RNF135: variants seen among roughly 807,000 people sequenced by gnomAD.
RNF135 encodes the protein E3 ubiquitin-protein ligase RNF135.
A neutral mutation model predicts 41.9 loss-of-function variants in RNF135; 46 were observed. The observed-to-expected ratio is 1.10, with a 90% CI of 0.87 to 1.40. The LOEUF (loss-of-function observed/expected upper bound fraction) is 1.40, where lower values mean the gene tolerates loss of function less well. Ranked by LOEUF, RNF135 falls within the 40% of genes most tolerant of loss-of-function variation. The pLI, the probability that RNF135 is intolerant of heterozygous loss-of-function variation, is 0.00. For missense variants in RNF135, 539 were observed against 549.8 expected (o/e 0.98, Z 0.20); for synonymous variants, 238 against 223.8 (o/e 1.06, Z -0.57).
At chr17:30,985,796 C>A (rs919670147) in intron 2 of RNF135, among the ~76,000 whole-genome samples, 1 of 152,164 alleles carries the variant, frequency 6.6e-6, no homozygotes, top group Middle Eastern at 3.2e-3. Context: ...ACAGGACCAG[C>A]AAAGCCCTGT....
the RNF135 span, among the ~76,000 whole-genome samples, chr17:30,963,167 GAT>G: frequency 2.2e-5 from 3 of 137,294 alleles, no homozygotes; most frequent in African/African-American, 8.5e-5. Flanking sequence ...GCTATTCACA[GAT>G]ATGACCATGG....
At chr17:30,964,217 G>A in the RNF135 span, among the ~76,000 whole-genome samples, 4 of 151,466 alleles carry the variant, frequency 2.6e-5, no homozygotes, top group African/African-American at 4.9e-5. Flanking sequence ...GTGAAACCCC[G>A]TCTCTACTTA....
upstream of RNF135, chr17:30,970,827 G>T: frequency 1.8e-6 from 1 of 567,676 alleles, no homozygotes. Flanking sequence ...AGCAGCTCGC[G>T]GCATGTTGGT....
chr17:30,959,759 A>T, the RNF135 span: 3 of 152,176 alleles, frequency 2.0e-5, no homozygotes, highest in African/African-American at 7.2e-5. Context: ...CCAGATCAGA[A>T]ATGAAGCACT....
chr17:30,971,775 C>T, intron 1 of RNF135: 2 of 1,091,850 alleles, frequency 1.8e-6, no homozygotes, highest in Non-Finnish European at 2.3e-6. Flanking sequence ...TAAAACTGGC[C>T]ATTTTAACCT....
rs1189144519 is a variant in RNF135 at position 30,983,320 on chromosome 17, C to CAT, written c.373-1264_373-1263dup. 1.3e-3 allele frequency among the ~76,000 whole-genome samples: 50 copies of CAT among 37,062 alleles called. 1 individual carries two copies. Among genetic ancestry groups the CAT allele is most frequent in the South Asian group, 2.5e-3 (2 of 790 alleles). 24.3% of individuals were successfully genotyped at this position (37,062 alleles called of 152,430 possible). ...TGGTAATTCTAATTACATATATGTA[C>CAT]ATATATATATATATATATATATATA... On this transcript the variant is annotated intron_variant, in intron 1 of 4. Transcript: ENST00000328381.
intron 1 of RNF135, among the ~76,000 whole-genome samples, chr17:30,975,205 C>T (rs1254130139): frequency 6.6e-6 from 1 of 151,854 alleles, no homozygotes; most frequent in African/African-American, 2.4e-5. Context: ...TGGCTGTGGT[C>T]CCAGCTACTT....
At chr17:30,968,436 A>G (rs1242482177), upstream of RNF135, among the ~76,000 whole-genome samples, 5 of 141,476 alleles carry the variant, frequency 3.5e-5, no homozygotes, top group Non-Finnish European at 3.0e-5. Context: ...CCCAGGCTGG[A>G]GTGCAGTGGT....
intron 3 of RNF135, among the ~76,000 whole-genome samples, chr17:30,990,743 C>T (rs921715573): frequency 1.3e-5 from 2 of 152,114 alleles, no homozygotes; most frequent in African/African-American, 4.8e-5. Context: ...TATACATTGT[C>T]CTGCATTTTG....
chr17:30,973,692 C>T lies in RNF135; in HGVS notation c.372+2247C>T, dbSNP rs150948560. ...TGTGGGCCAGGCTGGTCTTGAACTG[C>T]TGACCTCAAGTGATCTGCCTACCTT... is the stretch of plus-strand genomic sequence containing the variant. On this transcript the variant is annotated intron_variant, in intron 1 of 4. Coordinates refer to ENST00000328381, the MANE Select transcript of RNF135 (RefSeq NM_032322.4). 2.6e-3 allele frequency among the ~76,000 whole-genome samples: 395 copies of T among 152,254 alleles called. 1 individual carries two copies. Among genetic ancestry groups the T allele is most frequent in the African/African-American group, 9.1e-3 (376 of 41,540 alleles).
intron 2 of RNF135, among the ~76,000 whole-genome samples, chr17:30,986,932 G>T (rs527896843): frequency 6.6e-6 from 1 of 152,174 alleles, no homozygotes; most frequent in Non-Finnish European, 1.5e-5. Context: ...ACTTTGTGAG[G>T]TTGTTATGCA....
Position 30,984,721 on chromosome 17 carries a change from A to G in RNF135, c.477A>G (p.Ser159=). 6.2e-7 allele frequency: 1 copy of G among 1,614,226 alleles called. No individual in the cohort carries two copies. Among genetic ancestry groups the G allele is most frequent in the Non-Finnish European group, 8.5e-7 (1 of 1,180,052 alleles). The change falls in exon 2 of 5, where the codon TCA becomes TCG. Residue 159 remains serine, a synonymous_variant. Coordinates refer to ENST00000328381, the MANE Select transcript of RNF135 (RefSeq NM_032322.4). ...VRSLQNQRPL[S]ESGPDNELSI... Reference sequence around the variant, plus strand: ...GCCTGCAGAATCAGAGGCCCCTATCAGAATCTGGACCAGACAACGAACTGA... The same window carrying G: ...GCCTGCAGAATCAGAGGCCCCTATCGGAATCTGGACCAGACAACGAACTGA...
intron 1 of RNF135, among the ~76,000 whole-genome samples, chr17:30,973,614 C>T (rs909883086): frequency 7.2e-5 from 11 of 151,982 alleles, no homozygotes; most frequent in Non-Finnish European, 1.2e-4. Flanking sequence ...ATTACAGGCG[C>T]CTGCCACCAC....
Position 30,971,859 on chromosome 17 carries a change from T to G in RNF135, c.372+414T>G, listed in dbSNP as rs779089507. 186 of 333,334 alleles carry G rather than the reference T, an allele frequency of 5.6e-4. 2 individuals are homozygous for G. The highest frequency in any genetic ancestry group is 1.8e-4 in the Non-Finnish European group (41 of 228,042). The allele number at this position is 333,334 out of a possible 1,614,324, so 20.6% of individuals were successfully genotyped here. A position where few individuals can be genotyped will look rare whatever the true frequency, so the allele number is the denominator to read the frequency against. On this transcript the variant is annotated intron_variant, in intron 1 of 4. Transcript: ENST00000328381. ...ATGGAGTGCAATGGCGTGCGTGATC[T>G]CGGCTCACTGCAACCTCCGCCCCCC...
chr17:30,988,784 G>T (rs1244408106), intron 3 of RNF135, among the ~76,000 whole-genome samples: 2 of 131,786 alleles, frequency 1.5e-5, no homozygotes, highest in African/African-American at 2.8e-5. Context: ...ATTTTGTTTT[G>T]TTTTTGTTTT....
chr17:30,976,005 T>A (rs555179073), intron 1 of RNF135: 23 of 326,824 alleles, frequency 7.0e-5, no homozygotes, highest in African/African-American at 1.9e-4. Flanking sequence ...ACTAAAAAAA[T>A]TTTTTTTGTT....
chr17:30,995,274 G>T (rs1490702622), intron 3 of RNF135, among the ~76,000 whole-genome samples: 3 of 152,062 alleles, frequency 2.0e-5, no homozygotes, highest in African/African-American at 7.2e-5. Context: ...TGTAGTCCCA[G>T]CTACTCAGGA....
the RNF135 span, among the ~76,000 whole-genome samples, chr17:30,964,328 G>A: frequency 1.4e-5 from 2 of 140,306 alleles, no homozygotes; most frequent in African/African-American, 5.8e-5. Flanking sequence ...GGCAAATGTT[G>A]CAGTGAGCCG....
chr17:30,965,166 AC>A, the RNF135 span: 2 of 152,096 alleles, frequency 1.3e-5, no homozygotes, highest in African/African-American at 4.8e-5. Flanking sequence ...CCTGGGCAAC[AC>A]GGTAAAACCT....
Sources: gnomAD v4.1 joint callset for allele counts (sites outside exome capture counted in the v4.1 genomes callset) on GRCh38, gnomAD v4.1.1 for gene constraint, MANE v1.5 for transcripts, NCBI Gene and HGNC (gene_info 2026-07-23, HGNC 2026-07-21) for gene names.